Variants in JPH1 observed in about 807,000 individuals in gnomAD.
JPH1 encodes junctophilin 1, also known as junctophilin-1.
Under a neutral mutation model 53.6 loss-of-function variants are expected in JPH1, and 12 were observed. The observed-to-expected ratio is 0.22, with a 90% CI of 0.14 to 0.36. The LOEUF (loss-of-function observed/expected upper bound fraction) is 0.36, where lower values mean the gene tolerates loss of function less well. Among genes scored for constraint, JPH1 ranks in the 10% least tolerant of loss-of-function variants. JPH1 has a pLI of 1.00. For synonymous variants in JPH1, 375 were observed against 363.8 expected, an observed-to-expected ratio of 1.03 and a Z score of -0.35; for missense variants, 808 against 905.5, an observed-to-expected ratio of 0.89 and a Z score of 1.38.
intron 2 of JPH1, among the ~76,000 whole-genome samples, chr8:74,304,226 A>G (rs1386736159): frequency 6.6e-6 from 1 of 152,274 alleles, no homozygotes; most frequent in Non-Finnish European, 1.5e-5. Context: ...GGTCTTAATC[A>G]TAATTTTACA....
At chr8:74,305,065 A>G (rs1490750939) in intron 2 of JPH1, among the ~76,000 whole-genome samples, 1 of 152,282 alleles carries the variant, frequency 6.6e-6, no homozygotes, top group African/African-American at 2.4e-5. Context: ...AGACTGTTGT[A>G]CTAAAGCTGA....
intron 2 of JPH1, among the ~76,000 whole-genome samples, chr8:74,293,899 G>A (rs1051490751): frequency 2.0e-5 from 3 of 152,174 alleles, no homozygotes; most frequent in Non-Finnish European, 4.4e-5. Context: ...GACACCGGGG[G>A]CCAATTGACA....
rs1808294733 is a variant in JPH1 at position 74,320,796 on chromosome 8, T to A, written c.379+113A>T. 1.6e-6 allele frequency: 2 copies of A among 1,277,184 alleles called. No individual in the cohort carries two copies. The highest frequency in any genetic ancestry group is 2.0e-6 in the Non-Finnish European group (2 of 980,414). The allele number at this position is 1,277,184 out of a possible 1,614,324, so 79.1% of individuals were successfully genotyped here. A position where few individuals can be genotyped will look rare whatever the true frequency, so the allele number is the denominator to read the frequency against. ...GGGGGTGGGAGGCGCCCCCAGGTGTTTTGGCGGGTTTCCGGACACGTGCGC... is the reference window on the plus strand; with the variant it reads ...GGGGGTGGGAGGCGCCCCCAGGTGTATTGGCGGGTTTCCGGACACGTGCGC... On this transcript the variant is annotated intron_variant, in intron 1 of 5. Coordinates refer to ENST00000342232, the MANE Select transcript of JPH1 (RefSeq NM_020647.4). The surrounding 1 kb of genome is among the most constrained non-coding windows in gnomAD (Gnocchi z 4.4).
intron 2 of JPH1, among the ~76,000 whole-genome samples, chr8:74,303,041 A>C (rs993046901): frequency 5.3e-5 from 8 of 152,030 alleles, no homozygotes; most frequent in African/African-American, 1.7e-4. Context: ...GCATAACTTC[A>C]CAAATTCAAG....
chr8:74,265,974 C>A (rs768797199), intron 2 of JPH1, among the ~76,000 whole-genome samples: 1 of 150,672 alleles, frequency 6.6e-6, no homozygotes, highest in Non-Finnish European at 1.5e-5. Context: ...GAATAACAAG[C>A]GTTAGCAAGG....
intron 1 of JPH1, among the ~76,000 whole-genome samples, chr8:74,319,373 T>C (rs1412705563): frequency 3.9e-5 from 6 of 152,202 alleles, no homozygotes; most frequent in Non-Finnish European, 5.9e-5. Context: ...ATAGTAGAGC[T>C]GGGGCCTCCA....
At position 74,236,622 on chromosome 8, in the gene JPH1, G is replaced by A. The variant is rs1807006000; in HGVS notation, c.*429C>T. On this transcript the variant is annotated 3_prime_UTR_variant, in exon 6 of 6. Transcript: ENST00000342232. The stretch of plus-strand genomic sequence containing the variant: ...CCCCAGCTCCCTACTAAAAACGTCA[G>A]ATGGTAAAATAGTAAGGCAGCTGTT... 6.8e-6 allele frequency: 1 copy of A among 147,416 alleles called. No individual in the cohort carries two copies. Among genetic ancestry groups the A allele is most frequent in the African/African-American group, 2.5e-5 (1 of 39,846 alleles). The allele number at this position is 147,416 out of a possible 1,614,324, so 9.1% of individuals were successfully genotyped here.
At chr8:74,301,478 C>G (rs1807680249) in intron 2 of JPH1, among the ~76,000 whole-genome samples, 1 of 152,188 alleles carries the variant, frequency 6.6e-6, no homozygotes, top group Admixed American at 6.5e-5. Flanking sequence ...GGGTGGAGGA[C>G]TAGAGAATTT....
Position 74,315,269 on chromosome 8 carries a change from G to A in JPH1, c.731C>T (p.Ala244Val). ...ATCGCTGGAACTAATTCTGCTCATG[G>A]CCGCGTCGCTGCGGACAGAGCTGCG... The part of the protein sequence containing the change: ...SKRSSVRSDA[A>V]MSRISSSDAN... The change falls in exon 2 of 6, where the codon GCC becomes GTC. Residue 244 changes from alanine (A) to valine (V), a missense_variant. Physicochemically the swap from Ala to Val is moderately conservative, Grantham distance 64. Transcript: ENST00000342232. This position sits in a 1 kb window ranked among gnomAD's most constrained non-coding sequence, Gnocchi z 6.3. 4 of 1,614,168 alleles carry A rather than the reference G, an allele frequency of 2.5e-6. No homozygotes were observed. The East Asian group carries it at 8.9e-5, about 36-fold the overall frequency.
intron 4 of JPH1, among the ~76,000 whole-genome samples, chr8:74,239,160 TG>T (rs944566950): frequency 1.3e-5 from 2 of 152,060 alleles, no homozygotes; most frequent in African/African-American, 4.8e-5. Flanking sequence ...TTTATAATGC[TG>T]GGCAGTGGGT....
At chr8:74,267,457 A>G (rs1806566693) in intron 2 of JPH1, among the ~76,000 whole-genome samples, 1 of 152,232 alleles carries the variant, frequency 6.6e-6, no homozygotes, top group Non-Finnish European at 1.5e-5. Context: ...AATTTGCCTT[A>G]TCTCTGGGGC....
intron 4 of JPH1, among the ~76,000 whole-genome samples, chr8:74,239,639 A>C (rs898708289): frequency 3.3e-5 from 5 of 152,198 alleles, no homozygotes; most frequent in Non-Finnish European, 7.3e-5. Context: ...ACAGAGATTA[A>C]GGAAATATTA....
chr8:74,302,970 A>G (rs1321869010), intron 2 of JPH1, among the ~76,000 whole-genome samples: 1 of 152,088 alleles, frequency 6.6e-6, no homozygotes, highest in Non-Finnish European at 1.5e-5. Flanking sequence ...AAAAAAAAAA[A>G]AAAAAACAGT....
At position 74,321,132 on chromosome 8, in the gene JPH1, G is replaced by A; in HGVS notation, c.156C>T (p.Tyr52=). The change falls in exon 1 of 6, where the codon TAC becomes TAT. Residue 52 remains tyrosine, a synonymous_variant. Coordinates refer to ENST00000342232, the MANE Select transcript of JPH1 (RefSeq NM_020647.4). The surrounding 1 kb of genome is among the most constrained non-coding windows in gnomAD (Gnocchi z 4.3). The stretch of plus-strand genomic sequence containing the variant: ...GGTAGGTGTTGCCGCTGGGCCAGGT[G>A]TAGCCTCCGACCACCTCGAAGCCGT... ...WSHGFEVVGG[Y]TWPSGNTYQG... 1 of 1,613,504 alleles carries A rather than the reference G, an allele frequency of 6.2e-7. No individual in the cohort carries two copies. Among genetic ancestry groups the A allele is most frequent in the Non-Finnish European group, 8.5e-7 (1 of 1,179,824 alleles).
At chr8:74,300,915 T>G (rs1179723818) in intron 2 of JPH1, among the ~76,000 whole-genome samples, 1 of 152,188 alleles carries the variant, frequency 6.6e-6, no homozygotes, top group Non-Finnish European at 1.5e-5. Flanking sequence ...TTCATATGAA[T>G]GATGGAGCCT....
intron 2 of JPH1, among the ~76,000 whole-genome samples, chr8:74,278,538 C>T (rs1469464764): frequency 6.6e-6 from 1 of 152,188 alleles, no homozygotes; most frequent in Non-Finnish European, 1.5e-5. Context: ...CACCAGAAGA[C>T]ACAACAATTC....
intron 4 of JPH1, among the ~76,000 whole-genome samples, chr8:74,243,987 GA>G (rs1805771474): frequency 6.6e-6 from 1 of 152,192 alleles, no homozygotes; most frequent in Non-Finnish European, 1.5e-5. Context: ...TTTTGGGAAA[GA>G]AAAATGTTCT....
intron 2 of JPH1, among the ~76,000 whole-genome samples, chr8:74,304,641 A>G (rs1224110063): frequency 1.4e-5 from 1 of 70,950 alleles, no homozygotes; most frequent in Non-Finnish European, 2.7e-5. Context: ...TCCCACACCA[A>G]TTTAAAAAAT....
At chr8:74,274,795 G>A (rs1806801491) in intron 2 of JPH1, among the ~76,000 whole-genome samples, 1 of 152,114 alleles carries the variant, frequency 6.6e-6, no homozygotes, top group Non-Finnish European at 1.5e-5. Context: ...GTTAACTTTT[G>A]AGGAAATATT....
Sources: gnomAD v4.1 joint callset for allele counts (sites outside exome capture counted in the v4.1 genomes callset) on GRCh38, gnomAD v4.1.1 for gene constraint, Gnocchi (gnomAD v3.1) non-coding constraint, MANE v1.5 for transcripts, NCBI Gene and HGNC (gene_info 2026-07-23, HGNC 2026-07-21) for gene names.